The following HDX variants were observed in gnomAD, a reference collection of about 807,000 sequenced individuals.
HDX encodes highly divergent homeobox.
Under a neutral mutation model 45.2 loss-of-function variants are expected in HDX, and 19 were observed. The observed-to-expected ratio is 0.42, with a 90% CI of 0.29 to 0.62. The LOEUF is 0.62. Among genes scored for constraint, HDX ranks in the 20% least tolerant of loss-of-function variants. The pLI, the probability that HDX is intolerant of heterozygous loss-of-function variation, is 0.20. For synonymous variants in HDX, 188 were observed against 172.8 expected, an observed-to-expected ratio of 1.09 and a Z score of -0.69; for missense variants, 532 against 493.9, an observed-to-expected ratio of 1.08 and a Z score of -0.73.
intron 5 of HDX, among the ~76,000 whole-genome samples, chrX:84,365,099 C>CT (rs113159516): frequency 0.26 from 27,470 of 107,460 alleles, 3,381 homozygotes; most frequent in African/African-American, 0.46. Flanking sequence ...ATCCTGATTT[C>CT]TTTTTTTTTC....
intron 5 of HDX, among the ~76,000 whole-genome samples, chrX:84,379,044 C>T (rs2038124099): frequency 9.1e-6 from 1 of 110,188 alleles, no homozygotes; most frequent in Admixed American, 9.7e-5. Flanking sequence ...CAAGAAAAAA[C>T]TGTAAGAAGA....
chrX:84,371,098 A>C (rs980157618), intron 5 of HDX, among the ~76,000 whole-genome samples: 17 of 112,158 alleles, frequency 1.5e-4, no homozygotes, highest in Non-Finnish European at 3.2e-4. Flanking sequence ...TATGTGGAGC[A>C]CATCGTAAGG....
At chrX:84,457,651 C>A (rs2040141521) in intron 4 of HDX, among the ~76,000 whole-genome samples, 1 of 111,550 alleles carries the variant, frequency 9.0e-6, no homozygotes, top group African/African-American at 3.3e-5. Context: ...CTCTCTTCAT[C>A]TCATGAGGTC....
chrX:84,399,766 A>T (rs1309957327), intron 5 of HDX, among the ~76,000 whole-genome samples: 1 of 111,060 alleles, frequency 9.0e-6, no homozygotes, highest in African/African-American at 3.3e-5. Flanking sequence ...ACACACAAAA[A>T]AACTTCAGGC....
At chrX:84,379,740 T>C (rs187449653) in intron 5 of HDX, among the ~76,000 whole-genome samples, 126 of 109,315 alleles carry the variant, frequency 1.2e-3, no homozygotes, top group Non-Finnish European at 1.8e-3. Context: ...GTACTAAGAG[T>C]TTATGGCTAT....
intron 5 of HDX, among the ~76,000 whole-genome samples, chrX:84,431,513 C>G (rs1003857599): frequency 4.5e-5 from 5 of 111,027 alleles, no homozygotes; most frequent in African/African-American, 1.6e-4. Flanking sequence ...TCCAGCATCT[C>G]TTATGTTTTG....
intron 5 of HDX, among the ~76,000 whole-genome samples, chrX:84,363,457 A>T (rs1053244591): frequency 8.9e-6 from 1 of 112,105 alleles, no homozygotes; most frequent in Non-Finnish European, 1.9e-5. Context: ...CGCTGATCAC[A>T]CTCAGCTAAT....
At position 84,469,268 on chromosome X, in the gene HDX, T is replaced by G. The variant is rs969926270; in HGVS notation, c.455A>C (p.His152Pro). 1 of 1,209,850 alleles carries G rather than the reference T, an allele frequency of 8.3e-7. No homozygotes were observed. The highest frequency in any genetic ancestry group is 1.1e-6 in the Non-Finnish European group (1 of 893,558). ...TGCTACTTGTCTTTGGACAGGAATG[T>G]GTAACTGAAACTCAGTATCATTTTT... ...ATKNDTEFQL[H>P]IPVQRQVAHC... The change falls in exon 4 of 11, where the codon CAC (histidine) becomes CCC (proline). Residue 152 changes from histidine to proline, a missense_variant. His to Pro is a moderately conservative substitution (Grantham distance 77). This residue lies in a region of HDX where 376 missense variants were observed against 343.7 expected (regional missense o/e 1.09). Transcript: ENST00000373177.
chrX:84,368,543 T>C (rs1273893631), intron 5 of HDX, among the ~76,000 whole-genome samples: 2 of 112,087 alleles, frequency 1.8e-5, no homozygotes, highest in Non-Finnish European at 3.8e-5. Flanking sequence ...TGACTTTTTC[T>C]GGGAAAAAAT....
chrX:84,326,734 A>G (rs1275549618), intron 9 of HDX, among the ~76,000 whole-genome samples: 1 of 110,284 alleles, frequency 9.1e-6, no homozygotes, highest in Non-Finnish European at 1.9e-5. Context: ...CAACATGGTG[A>G]AACCCCGTCT....
chrX:84,470,215 T>C (rs1327602099), intron 3 of HDX, among the ~76,000 whole-genome samples: 1 of 111,585 alleles, frequency 9.0e-6, no homozygotes, highest in Non-Finnish European at 1.9e-5. Flanking sequence ...TCTATTAGAA[T>C]GCAATACTAA....
chrX:84,336,661 T>C (rs780266861), intron 8 of HDX, 140 bp downstream of exon 8: 70 of 446,510 alleles, frequency 1.6e-4, no homozygotes, highest in Non-Finnish European at 2.5e-4. Flanking sequence ...CAAAGATATG[T>C]AATTTCATTG....
intron 5 of HDX, among the ~76,000 whole-genome samples, chrX:84,362,795 A>T (rs2037653729): frequency 8.9e-6 from 1 of 111,832 alleles, no homozygotes; most frequent in Non-Finnish European, 1.9e-5. Flanking sequence ...TAGATTCAGG[A>T]AACAGTGGAA....
intron 5 of HDX, among the ~76,000 whole-genome samples, chrX:84,370,142 G>T (rs1198670832): frequency 8.9e-6 from 1 of 112,004 alleles, no homozygotes; most frequent in Non-Finnish European, 1.9e-5. Context: ...AATTCCTCTT[G>T]CCTGATTGTT....
Position 84,320,946 on chromosome X carries a change from T to G in HDX, c.*943A>C, listed in dbSNP as rs1171589318. The G allele has an allele frequency of 3.6e-5, 4 of 111,001 alleles. No individual in the cohort carries two copies. Among genetic ancestry groups the G allele is most frequent in the South Asian group, 3.7e-4 (1 of 2,691 alleles). The allele number at this position is 111,001 out of a possible 1,213,427, so 9.1% of individuals were successfully genotyped here. A position where few individuals can be genotyped will look rare whatever the true frequency, so the allele number is the denominator to read the frequency against. ...CTGATGGCTCTGTACAGGCCTCATA[T>G]GGAAATGAGGTAAATTTTGTGGCAA... On this transcript the variant is annotated 3_prime_UTR_variant, in exon 11 of 11. Transcript: ENST00000373177.
chrX:84,362,679 G>A (rs2037651178), intron 5 of HDX, among the ~76,000 whole-genome samples: 1 of 110,726 alleles, frequency 9.0e-6, no homozygotes, highest in Admixed American at 9.8e-5. Context: ...TGCCTAAGAT[G>A]ATATGATCAA....
intron 4 of HDX, among the ~76,000 whole-genome samples, chrX:84,443,968 T>A: frequency 9.0e-6 from 1 of 111,535 alleles, no homozygotes; most frequent in Non-Finnish European, 1.9e-5. Context: ...ATAAGACAGG[T>A]ACATGAATGT....
intron 5 of HDX, among the ~76,000 whole-genome samples, chrX:84,419,324 C>A (rs1226674630): frequency 9.0e-6 from 1 of 110,818 alleles, no homozygotes; most frequent in East Asian, 2.9e-4. Flanking sequence ...GTGTGAACCC[C>A]AGGCCAGGCA....
At chrX:84,422,054 T>C (rs181939229) in intron 5 of HDX, among the ~76,000 whole-genome samples, 1 of 108,823 alleles carries the variant, frequency 9.2e-6, no homozygotes, top group Non-Finnish European at 1.9e-5. Context: ...GTAGACCAAA[T>C]GGATGAATAT....
Sources: allele counts gnomAD v4.1 joint callset (sites outside exome capture counted in the v4.1 genomes callset), GRCh38; gene constraint gnomAD v4.1.1; regional missense constraint gnomAD v4.1.1; transcripts MANE v1.5; gene names NCBI Gene and HGNC (gene_info 2026-07-23, HGNC 2026-07-21).